Variants in BAIAP2 observed in about 807,000 individuals in gnomAD.
BAIAP2 encodes the protein BAR/IMD domain containing adaptor protein 2.
BAIAP2 carries 18 observed loss-of-function variants against 63.0 expected under a neutral mutation model. That is an observed-to-expected ratio of 0.29 (90% CI 0.20 to 0.42). The LOEUF is 0.42. Ranked by LOEUF, BAIAP2 falls within the 10% of genes least tolerant of loss-of-function variation. The pLI is 1.00. For synonymous variants in BAIAP2, 386 were observed against 307.6 expected (o/e 1.25, Z -2.67); for missense variants, 610 against 734.3 (o/e 0.83, Z 1.96).
intron 1 of BAIAP2, among the ~76,000 whole-genome samples, chr17:81,051,476 C>T (rs932953410): frequency 7.2e-5 from 11 of 151,996 alleles, no homozygotes; most frequent in Admixed American, 2.0e-4. Context: ...CTCAGCTCAC[C>T]ACAATTTCCG....
intron 6 of BAIAP2, chr17:81,087,376 C>G (rs1370846336): frequency 1.3e-5 from 2 of 152,228 alleles, no homozygotes; most frequent in African/African-American, 4.8e-5. Context: ...CACACCTGCC[C>G]GTGTGCGTGT....
intron 6 of BAIAP2, chr17:81,098,005 G>A: frequency 1.2e-6 from 1 of 866,698 alleles, no homozygotes; most frequent in Non-Finnish European, 1.5e-6. Flanking sequence ...AACCCCGGGT[G>A]CCGGGTGTCA....
intron 7 of BAIAP2, among the ~76,000 whole-genome samples, chr17:81,101,380 C>T (rs2058461513): frequency 6.6e-6 from 1 of 152,144 alleles, no homozygotes; most frequent in Admixed American, 6.5e-5. Flanking sequence ...AGGCCAGACT[C>T]CCCACCGGGA....
At chr17:81,114,136 ATTT>A (rs58461450) in intron 13 of BAIAP2, among the ~76,000 whole-genome samples, 11 of 124,624 alleles carry the variant, frequency 8.8e-5, no homozygotes, top group Admixed American at 8.3e-5. Context: ...CACCTGCCTA[ATTT>A]TTTTTTTTTT....
intron 12 of BAIAP2, chr17:81,107,606 C>T (rs952802735): frequency 6.6e-6 from 1 of 152,390 alleles, no homozygotes; most frequent in Non-Finnish European, 1.5e-5. Flanking sequence ...GTCTGGGGCT[C>T]CTCAGCCAGA....
intron 13 of BAIAP2, among the ~76,000 whole-genome samples, chr17:81,113,890 G>A (rs1229966726): frequency 2.0e-5 from 3 of 151,810 alleles, no homozygotes; most frequent in Non-Finnish European, 4.4e-5. Context: ...GCAGGAGTGA[G>A]AACCACGCGG....
chr17:81,070,057 T>A (rs902612079), intron 3 of BAIAP2, among the ~76,000 whole-genome samples: 1 of 152,124 alleles, frequency 6.6e-6, no homozygotes, highest in Non-Finnish European at 1.5e-5. Context: ...CCTCCTGGGC[T>A]CAAGCGATCC....
At chr17:81,097,554 GGGAGGCCGCCCCCTTGC>G (rs1287456146) in intron 6 of BAIAP2, 1 of 152,288 alleles carries the variant, frequency 6.6e-6, no homozygotes. Context: ...AGTCAGGCAG[GGGAGGCCGCCCCCTTGC>G]GGAGGCCGCA....
In BAIAP2 at chr17:81,115,984, G is replaced by A; in HGVS notation, c.*145G>A. 2 of 1,490,388 alleles carry A rather than the reference G, an allele frequency of 1.3e-6. No individual in the cohort carries two copies. The highest frequency in any genetic ancestry group is 2.6e-5 in the South Asian group (2 of 77,702). 92.3% of individuals were successfully genotyped at this position (1,490,388 alleles called of 1,614,324 possible). On this transcript the variant is annotated 3_prime_UTR_variant, in exon 14 of 14. Transcript: ENST00000428708. ...GCCCCACTTGAGTCTGGCCTGGACT[G>A]GATCCCAGCTGTTCTAGGCAGGGCC...
At chr17:81,101,179 C>A (rs976920948) in intron 7 of BAIAP2, among the ~76,000 whole-genome samples, 1 of 152,168 alleles carries the variant, frequency 6.6e-6, no homozygotes, top group Non-Finnish European at 1.5e-5. Context: ...CCAGCCTTGT[C>A]GTTCCTTGTG....
intron 6 of BAIAP2, among the ~76,000 whole-genome samples, chr17:81,092,703 G>A (rs918715538): frequency 4.6e-5 from 7 of 152,070 alleles, no homozygotes; most frequent in Non-Finnish European, 2.9e-5. Context: ...CCGCCCTGAC[G>A]GCCTTGGGCA....
At position 81,106,815 on chromosome 17, in the gene BAIAP2, G is replaced by A. The variant is rs768070859; in HGVS notation, c.1408G>A (p.Asp470Asn). 6.2e-6 allele frequency: 10 copies of A among 1,612,192 alleles called. No homozygotes were observed. The highest frequency in any genetic ancestry group is 5.0e-5 in the Admixed American group (3 of 59,954). Residue 470 changes from aspartate to asparagine, a missense_variant, in exon 12 of 14, where the codon GAT (aspartate) becomes AAT (asparagine). Transcript: ENST00000428708. Reference protein sequence around the residue: ...DKDDLAIPPPDYGAASRAFPA... With the variant: ...DKDDLAIPPPNYGAASRAFPA... ...GGACGACCTGGCCATCCCACCCCCC[G>A]ATTACGGCGCCGCCTCCCGGGCCTT...
intron 1 of BAIAP2, among the ~76,000 whole-genome samples, chr17:81,049,995 C>T (rs2048408648): frequency 6.6e-6 from 1 of 152,228 alleles, no homozygotes; most frequent in Non-Finnish European, 1.5e-5. Flanking sequence ...GACCAGACGC[C>T]TGACTGGAGA....
chr17:81,059,208 G>A (rs2050138496), intron 3 of BAIAP2, among the ~76,000 whole-genome samples: 1 of 152,260 alleles, frequency 6.6e-6, no homozygotes, highest in African/African-American at 2.4e-5. Context: ...CCGGGCGGCT[G>A]GAGTTTCTCG....
In BAIAP2 at chr17:81,099,861, G is replaced by A. The variant is rs924038595; in HGVS notation, c.490-67G>A. 12 of 1,566,886 alleles carry A rather than the reference G, an allele frequency of 7.7e-6. No homozygotes were observed. The Middle Eastern group carries it at 5.1e-4, about 67-fold the overall frequency. The stretch of plus-strand genomic sequence containing the variant: ...GTCCTTTGACTGAGTCCGTGGGGCT[G>A]CCCCAAACCGGTCCTGACAGGCGTC... On this transcript the variant is annotated intron_variant, in intron 6 of 13. Coordinates refer to ENST00000428708, the MANE Select transcript of BAIAP2 (RefSeq NM_001144888.2).
At chr17:81,038,404 C>T (rs1362570103) in intron 1 of BAIAP2, among the ~76,000 whole-genome samples, 1 of 152,250 alleles carries the variant, frequency 6.6e-6, no homozygotes, top group Admixed American at 6.5e-5. Flanking sequence ...GGCTCCACCA[C>T]CTTCTCTGGG....
intron 6 of BAIAP2, among the ~76,000 whole-genome samples, chr17:81,090,404 GACGGGGCTTCAACTCTTAACC>G (rs1568148178): frequency 6.6e-6 from 1 of 151,854 alleles, no homozygotes; most frequent in African/African-American, 2.4e-5. Context: ...GTCAATGGGA[GACGGGGCTTCAACTCTTAACC>G]ACACAGGTGT....
At chr17:81,109,976 G>A in intron 13 of BAIAP2, 4 of 985,464 alleles carry the variant, frequency 4.1e-6, no homozygotes, top group Non-Finnish European at 4.8e-6. Context: ...TTCCTGCCCG[G>A]TTCTTCCTAA....
rs544824105 is a variant in BAIAP2 at position 81,073,985 on chromosome 17, A to G, written c.218-10847A>G. On this transcript the variant is annotated intron_variant, in intron 3 of 13. Transcript: ENST00000428708. ...GTGGAATGCTGATTTGTTTTCCTAA[A>G]ATGAGAGAGACTAAAGCCACGTGCC... 3.3e-5 allele frequency among the ~76,000 whole-genome samples: 5 copies of G among 152,322 alleles called. No individual in the cohort carries two copies. The East Asian group carries it at 7.7e-4, about 23-fold the overall frequency.
Sources: allele counts gnomAD v4.1 joint callset (sites outside exome capture counted in the v4.1 genomes callset), GRCh38; gene constraint gnomAD v4.1.1; transcripts MANE v1.5; gene names NCBI Gene and HGNC (gene_info 2026-07-23, HGNC 2026-07-21).